BIRC6: variants seen among roughly 807,000 people sequenced by gnomAD.
BIRC6 encodes the protein dual E2 ubiquitin-conjugating enzyme/E3 ubiquitin-protein ligase BIRC6.
In BIRC6, 98 loss-of-function variants were observed where a neutral mutation model predicts 503.3. The ratio of observed to expected loss-of-function variants is 0.19; its 90% confidence interval spans 0.17 to 0.23. BIRC6 has a LOEUF of 0.23. Among genes scored for constraint, BIRC6 ranks in the 10% least tolerant of loss-of-function variants. The pLI is 1.00. For missense variants in BIRC6, 5,360 were observed against 5,806.0 expected, an observed-to-expected ratio of 0.92 and a Z score of 2.50; for synonymous variants, 2,240 against 2,078.7, an observed-to-expected ratio of 1.08 and a Z score of -2.11.
intron 11 of BIRC6, 45 bp downstream of exon 11, chr2:32,429,340 G>T: frequency 7.5e-7 from 1 of 1,339,146 alleles, no homozygotes; most frequent in Non-Finnish European, 9.9e-7. Flanking sequence ...AGAATAGGTA[G>T]TATTTATCAT....
chr2:32,498,147 C>G (rs556405092), intron 45 of BIRC6, among the ~76,000 whole-genome samples: 1 of 152,158 alleles, frequency 6.6e-6, no homozygotes, highest in Non-Finnish European at 1.5e-5. Context: ...CTGCAACCTC[C>G]GCCTTCTGGG....
chr2:32,473,066 A>G, intron 32 of BIRC6, 46 bp from the exon 33 acceptor site: 2 of 1,485,402 alleles, frequency 1.3e-6, no homozygotes, highest in Non-Finnish European at 1.8e-6. Context: ...GTACTTTAAA[A>G]TCACATTTAA....
intron 10 of BIRC6, among the ~76,000 whole-genome samples, chr2:32,422,194 C>T (rs1454621800): frequency 1.3e-5 from 2 of 152,166 alleles, no homozygotes; most frequent in Non-Finnish European, 2.9e-5. Context: ...AAGTGGGTCT[C>T]TTAGATGCAT....
intron 36 of BIRC6, 44 bp downstream of exon 36, chr2:32,478,862 G>T (rs779902681): frequency 4.4e-6 from 7 of 1,576,438 alleles, no homozygotes; most frequent in Non-Finnish European, 6.1e-6. Context: ...AAATTACCTT[G>T]TCATTGCTCA....
intron 57 of BIRC6, among the ~76,000 whole-genome samples, chr2:32,524,559 AC>A (rs1553482969): frequency 2.0e-5 from 3 of 152,224 alleles, no homozygotes; most frequent in Non-Finnish European, 4.4e-5. Flanking sequence ...GTTGCCAAGC[AC>A]ATTGAACTAT....
intron 16 of BIRC6, among the ~76,000 whole-genome samples, chr2:32,440,751 T>TTTTTTTTATTATTATTATTATTA (rs773312894): frequency 6.8e-6 from 1 of 147,150 alleles, no homozygotes. Context: ...TGTTTATTTA[T>TTTTTTTTATTATTATTATTATTA]TTATTATTAT....
intron 73 of BIRC6, among the ~76,000 whole-genome samples, chr2:32,612,137 G>A (rs917383882): frequency 3.9e-5 from 6 of 152,156 alleles, no homozygotes; most frequent in Non-Finnish European, 4.4e-5. Context: ...CAAATCACTG[G>A]AATTATAGGC....
chr2:32,470,437 T>A (rs1423700263), intron 31 of BIRC6, 136 bp downstream of exon 31: 1 of 855,198 alleles, frequency 1.2e-6, no homozygotes, highest in East Asian at 3.0e-5. Context: ...CTTTTAAGAA[T>A]GAGCAACCCT....
intron 9 of BIRC6, among the ~76,000 whole-genome samples, chr2:32,413,059 A>G (rs1235359728): frequency 1.3e-5 from 2 of 150,928 alleles, no homozygotes; most frequent in African/African-American, 4.9e-5. Flanking sequence ...CAGACTAGAG[A>G]GTACAGTTGC....
intron 4 of BIRC6, 148 bp downstream of exon 4, chr2:32,389,091 T>C (rs2038881370): frequency 3.5e-6 from 2 of 577,514 alleles, no homozygotes; most frequent in Non-Finnish European, 5.3e-6. Context: ...TCAATATGAA[T>C]TAGAATCTGA....
intron 16 of BIRC6, among the ~76,000 whole-genome samples, chr2:32,440,855 T>A (rs573008787): frequency 6.6e-6 from 1 of 151,932 alleles, no homozygotes; most frequent in African/African-American, 2.4e-5. Flanking sequence ...CTCCACCCAC[T>A]GAGTTCAAGT....
chr2:32,576,420 T>C (rs1175641191), intron 66 of BIRC6, among the ~76,000 whole-genome samples: 2 of 152,238 alleles, frequency 1.3e-5, no homozygotes, highest in Admixed American at 1.3e-4. Context: ...TTTTCCTTTC[T>C]CATGGCAGAA....
At chr2:32,469,350 A>C in intron 29 of BIRC6, 45 bp from the exon 30 acceptor site, 2 of 1,427,450 alleles carry the variant, frequency 1.4e-6, no homozygotes, top group Non-Finnish European at 1.9e-6. Flanking sequence ...AATATTATAC[A>C]ATACATTTAA....
rs555171861 is a variant in BIRC6 at position 32,387,183 on chromosome 2, G to A, written c.646-1567G>A. 2.6e-5 allele frequency among the ~76,000 whole-genome samples: 4 copies of A among 152,168 alleles called. No homozygotes were observed. The East Asian group carries it at 7.7e-4, about 29-fold the overall frequency. On this transcript the variant is annotated intron_variant, in intron 3 of 73. Transcript: ENST00000421745. The stretch of plus-strand genomic sequence containing the variant: ...GGGAAGGTTTGGAGTATGATTTACA[G>A]TACCAACTATAGTTGGGGTATCATA...
chr2:32,602,350 G>C (rs888736834), intron 70 of BIRC6: 15 of 152,116 alleles, frequency 9.9e-5, no homozygotes, highest in Non-Finnish European at 1.5e-4. Context: ...GATAAATATT[G>C]CATGTTCTCA....
chr2:32,377,551 G>A (rs185934443), intron 1 of BIRC6, 37 bp from the exon 2 acceptor site: 2 of 1,531,136 alleles, frequency 1.3e-6, no homozygotes, highest in African/African-American at 1.4e-5. Context: ...CCATTGGCCT[G>A]AAAATCTTAA....
At chr2:32,372,336 G>C (rs577127778) in intron 1 of BIRC6, among the ~76,000 whole-genome samples, 9 of 152,140 alleles carry the variant, frequency 5.9e-5, no homozygotes, top group Non-Finnish European at 1.0e-4. Flanking sequence ...CCACTGATCT[G>C]TTCTCCATAC....
chr2:32,611,009 G>T (rs546216029), intron 72 of BIRC6, among the ~76,000 whole-genome samples: 1 of 152,156 alleles, frequency 6.6e-6, no homozygotes, highest in East Asian at 1.9e-4. Flanking sequence ...ACAGGCGTGA[G>T]CCACCACACC....
intron 53 of BIRC6, among the ~76,000 whole-genome samples, chr2:32,512,393 G>C (rs929068945): frequency 1.3e-5 from 2 of 152,198 alleles, no homozygotes; most frequent in African/African-American, 4.8e-5. Flanking sequence ...AACTCCAGGA[G>C]ATTGGGATTA....
Sources: allele counts gnomAD v4.1 joint callset (sites outside exome capture counted in the v4.1 genomes callset), GRCh38; gene constraint gnomAD v4.1.1; transcripts MANE v1.5; gene names NCBI Gene and HGNC (gene_info 2026-07-23, HGNC 2026-07-21).